LPP: variants seen among roughly 807,000 people sequenced by gnomAD.
LPP encodes LIM domain containing preferred translocation partner in lipoma.
In LPP, 38 loss-of-function variants were observed where a neutral mutation model predicts 60.4. That is an observed-to-expected ratio of 0.63 (90% CI 0.49 to 0.83). The LOEUF (loss-of-function observed/expected upper bound fraction) is 0.83, where lower values mean the gene tolerates loss of function less well. Among genes scored for constraint, LPP ranks in the 40% least tolerant of loss-of-function variants. The probability of loss-of-function intolerance (pLI) is 0.00; values close to 1 mark genes in which losing one functional copy is unlikely to be tolerated. For synonymous variants in LPP, 328 were observed against 290.8 expected (o/e 1.13, Z -1.30); for missense variants, 902 against 783.6 (o/e 1.15, Z -1.80).
At chr3:188,407,799 T>TTTTTTG (rs1784005002) in intron 4 of LPP, among the ~76,000 whole-genome samples, 1 of 138,484 alleles carries the variant, frequency 7.2e-6, no homozygotes, top group East Asian at 2.2e-4. Context: ...TTTTTTTTTT[T>TTTTTTG]TTTTTTTTGA....
intron 4 of LPP, among the ~76,000 whole-genome samples, chr3:188,452,090 C>CT: frequency 6.6e-6 from 1 of 152,260 alleles, no homozygotes; most frequent in Non-Finnish European, 1.5e-5. Context: ...TTTTAACCTT[C>CT]TGTTTGCCTT....
chr3:188,654,929 A>T (rs545397187), intron 7 of LPP, among the ~76,000 whole-genome samples: 1 of 152,336 alleles, frequency 6.6e-6, no homozygotes, highest in Non-Finnish European at 1.5e-5. Context: ...ATTGTAGTCC[A>T]GGAGTTTGAT....
intron 9 of LPP, among the ~76,000 whole-genome samples, chr3:188,781,624 C>T (rs901038293): frequency 6.6e-6 from 1 of 151,766 alleles, no homozygotes; most frequent in Non-Finnish European, 1.5e-5. Context: ...TCGCTCACAC[C>T]TGTAATCCCA....
chr3:188,381,793 A>G lies in LPP; in HGVS notation c.-9-24319A>G, dbSNP rs535159221. On this transcript the variant is annotated intron_variant, in intron 3 of 11. Transcript: ENST00000617246. ...TAGGAAACTCTTTATTTAAATGTCA[A>G]TATTTAATTGACAATTAACTGTTGT... is the stretch of plus-strand genomic sequence containing the variant. 4.2e-3 allele frequency among the ~76,000 whole-genome samples: 634 copies of G among 152,296 alleles called. 6 individuals are homozygous for G. The highest frequency in any genetic ancestry group is 0.015 in the African/African-American group (607 of 41,564).
At position 188,501,243 on chromosome 3, in the gene LPP, T is replaced by C. The variant is rs74661775; in HGVS notation, c.306+16539T>C. Among the ~76,000 whole-genome samples, 517 of 152,302 alleles carry C rather than the reference T, an allele frequency of 3.4e-3. 2 individuals are homozygous for C. Among genetic ancestry groups the C allele is most frequent in the African/African-American group, 0.011 (464 of 41,566 alleles). ...CACTGTTTCCCATACGTTTGGTATG[T>C]TTTCTTTCATGTTCATTCATTTTTA... On this transcript the variant is annotated intron_variant, in intron 5 of 11. Coordinates refer to ENST00000617246, the MANE Select transcript of LPP (RefSeq NM_001375462.1).
chr3:188,499,976 A>T (rs1349668338), intron 5 of LPP, among the ~76,000 whole-genome samples: 2 of 152,142 alleles, frequency 1.3e-5, no homozygotes, highest in African/African-American at 4.8e-5. Context: ...CTACTTGGCT[A>T]AATTCACTAT....
intron 11 of LPP, 130 bp downstream of exon 11, chr3:188,872,893 T>G: frequency 4.1e-6 from 5 of 1,230,672 alleles, no homozygotes; most frequent in Non-Finnish European, 5.6e-6. Context: ...AGGACTTGGG[T>G]TTTAGATTTG....
In LPP at chr3:188,851,953, G is replaced by A. The variant is rs551156832; in HGVS notation, c.1411-14247G>A. Among the ~76,000 whole-genome samples the A allele has an allele frequency of 1.8e-4, 27 of 152,126 alleles. No homozygotes were observed. In the East Asian group the frequency reaches 4.1e-3, roughly 23 times the overall value. On this transcript the variant is annotated intron_variant, in intron 9 of 11. Transcript: ENST00000617246. ...TGAGGCAGGCAGATCACTTGAGGCC[G>A]GGGAGTTCCAGACCAGCCTGGCTGA...
At chr3:188,776,401 G>T (rs113253065) in intron 9 of LPP, among the ~76,000 whole-genome samples, 1 of 152,152 alleles carries the variant, frequency 6.6e-6, no homozygotes, top group African/African-American at 2.4e-5. Context: ...CAAAGGAAAA[G>T]AAATCAGCCT....
At chr3:188,175,133 C>G (rs1387648738) in intron 1 of LPP, among the ~76,000 whole-genome samples, 1 of 152,126 alleles carries the variant, frequency 6.6e-6, no homozygotes, top group Non-Finnish European at 1.5e-5. Context: ...GTCGCTCAGC[C>G]TGGAGTGCAG....
In LPP at chr3:188,352,251, A is replaced by G. The variant is rs973945618; in HGVS notation, c.-10+10532A>G. 2.2e-4 allele frequency among the ~76,000 whole-genome samples: 34 copies of G among 152,332 alleles called. No individual in the cohort carries two copies. Among genetic ancestry groups the G allele is most frequent in the African/African-American group, 7.7e-4 (32 of 41,574 alleles). On this transcript the variant is annotated intron_variant, in intron 3 of 11. Transcript: ENST00000617246. This position sits in a 1 kb window ranked among gnomAD's most constrained non-coding sequence, Gnocchi z 4.4. ...CTTATGATCTATGGGACTTGGTATT[A>G]AGCAAGATGATATTAACGAGGTTTG...
At chr3:188,813,410 A>G (rs943372048) in intron 9 of LPP, among the ~76,000 whole-genome samples, 1 of 152,228 alleles carries the variant, frequency 6.6e-6, no homozygotes, top group Non-Finnish European at 1.5e-5. Context: ...AATCAGTATC[A>G]TTATTATTCT....
chr3:188,341,852 C>A, intron 3 of LPP, 133 bp downstream of exon 3: 1 of 204,096 alleles, frequency 4.9e-6, no homozygotes, highest in Non-Finnish European at 8.6e-6. Flanking sequence ...TGAAAAATGG[C>A]CAAGACAGTG....
intron 8 of LPP, among the ~76,000 whole-genome samples, chr3:188,732,065 G>A (rs1720809029): frequency 6.6e-6 from 1 of 152,176 alleles, no homozygotes; most frequent in South Asian, 2.1e-4. Flanking sequence ...ATCTTGCGTA[G>A]TCTTTCGTTT....
chr3:188,744,236 C>T (rs1208662985), intron 8 of LPP, among the ~76,000 whole-genome samples: 1 of 152,128 alleles, frequency 6.6e-6, no homozygotes, highest in Non-Finnish European at 1.5e-5. Flanking sequence ...TCCACTACCC[C>T]TAGTTTAACT....
intron 2 of LPP, among the ~76,000 whole-genome samples, chr3:188,253,360 G>A (rs1171099194): frequency 6.6e-6 from 1 of 152,126 alleles, no homozygotes; most frequent in Non-Finnish European, 1.5e-5. Context: ...TTATCTTCCA[G>A]TACCTGTATA....
chr3:188,866,526 C>T (rs563676014), intron 10 of LPP, 148 bp downstream of exon 10: 103 of 588,778 alleles, frequency 1.7e-4, no homozygotes, highest in Non-Finnish European at 2.4e-4. Context: ...TGATCCCCTC[C>T]TCCAATGCAA....
intron 4 of LPP, among the ~76,000 whole-genome samples, chr3:188,422,768 C>T (rs1788140175): frequency 6.6e-6 from 1 of 152,068 alleles, no homozygotes; most frequent in Admixed American, 6.6e-5. Context: ...TTCTGGTCTT[C>T]CTCCCTCGTG....
intron 7 of LPP, among the ~76,000 whole-genome samples, chr3:188,615,969 G>T (rs1223494318): frequency 6.6e-6 from 1 of 152,088 alleles, no homozygotes; most frequent in African/African-American, 2.4e-5. Flanking sequence ...TAAGTTCCTT[G>T]TATATTCTCG....
Sources: gnomAD v4.1 joint callset for allele counts (sites outside exome capture counted in the v4.1 genomes callset) on GRCh38, gnomAD v4.1.1 for gene constraint, Gnocchi (gnomAD v3.1) non-coding constraint, MANE v1.5 for transcripts, NCBI Gene and HGNC (gene_info 2026-07-23, HGNC 2026-07-21) for gene names.